SPAG16: variants seen among roughly 807,000 people sequenced by gnomAD.
SPAG16 encodes sperm-associated antigen 16 protein.
SPAG16 carries 86 observed loss-of-function variants against 80.4 expected under a neutral mutation model. The ratio of observed to expected loss-of-function variants is 1.07; its 90% CI spans 0.90 to 1.28. The LOEUF is 1.28. SPAG16 is among the 50% of genes most tolerant of loss of function. The probability of loss-of-function intolerance (pLI) is 0.00; values close to 1 mark genes in which losing one functional copy is unlikely to be tolerated. For missense variants in SPAG16, 870 were observed against 765.3 expected, an observed-to-expected ratio of 1.14 and a Z score of -1.61; for synonymous variants, 294 against 265.9, an observed-to-expected ratio of 1.11 and a Z score of -1.03.
Position 214,234,070 on chromosome 2 carries a change from TG to T in SPAG16, c.1720+84805del, listed in dbSNP as rs760056838. Reference sequence around the variant, plus strand: ...CCTTTCAATAGGCCCCAGTATGTGTTGTTTCCCCCCCCATGTGTCCATGTGT... The same window carrying T: ...CCTTTCAATAGGCCCCAGTATGTGTTTTTCCCCCCCCATGTGTCCATGTGT... On this transcript the variant is annotated intron_variant, in intron 15 of 15. Transcript: ENST00000331683. Among the ~76,000 whole-genome samples the T allele has an allele frequency of 2.8e-3, 342 of 121,760 alleles. 2 individuals carry two copies. Among genetic ancestry groups the T allele is most frequent in the African/African-American group, 6.8e-3 (277 of 40,690 alleles). 79.9% of individuals were successfully genotyped at this position (121,760 alleles called of 152,430 possible).
intron 13 of SPAG16, among the ~76,000 whole-genome samples, chr2:214,060,593 A>G (rs1694769457): frequency 6.6e-6 from 1 of 152,060 alleles, no homozygotes; most frequent in South Asian, 2.1e-4. Flanking sequence ...AAACTATAAC[A>G]CTCTCTTAGA....
chr2:213,830,119 T>G (rs571912500), intron 10 of SPAG16, among the ~76,000 whole-genome samples: 1 of 152,104 alleles, frequency 6.6e-6, no homozygotes, highest in Non-Finnish European at 1.5e-5. Flanking sequence ...GCCTTTCAAG[T>G]TTATTTGGAA....
intron 13 of SPAG16, among the ~76,000 whole-genome samples, chr2:214,059,240 ATG>A (rs1553706192): frequency 3.4e-4 from 35 of 102,042 alleles, no homozygotes; most frequent in East Asian, 1.2e-3. Flanking sequence ...ATATATATAT[ATG>A]TATGTATATA....
chr2:213,905,274 C>T (rs2077388301), intron 11 of SPAG16, among the ~76,000 whole-genome samples: 1 of 152,148 alleles, frequency 6.6e-6, no homozygotes, highest in Non-Finnish European at 1.5e-5. Flanking sequence ...TGGGGATATG[C>T]TATTTCTCAA....
At chr2:214,297,917 C>A (rs192196828) in intron 15 of SPAG16, among the ~76,000 whole-genome samples, 18 of 150,374 alleles carry the variant, frequency 1.2e-4, no homozygotes, top group African/African-American at 4.1e-4. Context: ...TGCATTGATA[C>A]TGTAGATTGC....
At chr2:213,957,676 A>C (rs2044219117) in intron 12 of SPAG16, among the ~76,000 whole-genome samples, 1 of 152,014 alleles carries the variant, frequency 6.6e-6, no homozygotes, top group Non-Finnish European at 1.5e-5. Flanking sequence ...CTTTATTTCC[A>C]GCATTACTGT....
At chr2:214,062,663 T>G (rs1254660858) in intron 13 of SPAG16, among the ~76,000 whole-genome samples, 2 of 124,818 alleles carry the variant, frequency 1.6e-5, no homozygotes, top group Non-Finnish European at 3.4e-5. Flanking sequence ...TGTAATAGCC[T>G]CCTCTTTTTT....
At chr2:214,176,347 G>C (rs548626246) in intron 15 of SPAG16, among the ~76,000 whole-genome samples, 1 of 150,824 alleles carries the variant, frequency 6.6e-6, no homozygotes, top group Non-Finnish European at 1.5e-5. Context: ...ATAAATGCCA[G>C]GTTTGAAAAC....
At chr2:213,928,679 A>G (rs2078604867) in intron 11 of SPAG16, among the ~76,000 whole-genome samples, 1 of 152,206 alleles carries the variant, frequency 6.6e-6, no homozygotes, top group Non-Finnish European at 1.5e-5. Flanking sequence ...ACTCTAAAGC[A>G]TTTACTAAGC....
At chr2:214,009,122 T>C (rs533251496) in intron 12 of SPAG16, among the ~76,000 whole-genome samples, 1 of 152,254 alleles carries the variant, frequency 6.6e-6, no homozygotes, top group South Asian at 2.1e-4. Context: ...CTGCTAGACC[T>C]TGTGGAATCT....
At chr2:213,655,671 A>C (rs758761283) in intron 10 of SPAG16, among the ~76,000 whole-genome samples, 5 of 152,188 alleles carry the variant, frequency 3.3e-5, no homozygotes, top group Non-Finnish European at 5.9e-5. Context: ...TTCAGTTTTG[A>C]GATGAGCCTT....
intron 12 of SPAG16, among the ~76,000 whole-genome samples, chr2:214,005,283 G>A (rs922232565): frequency 1.3e-5 from 2 of 152,116 alleles, no homozygotes; most frequent in African/African-American, 2.4e-5. Flanking sequence ...AGGACTTGAA[G>A]GCACTCTGAG....
At chr2:213,538,734 G>T (rs1207981138) in intron 10 of SPAG16, among the ~76,000 whole-genome samples, 1 of 152,038 alleles carries the variant, frequency 6.6e-6, no homozygotes, top group Non-Finnish European at 1.5e-5. Flanking sequence ...TTAAGGTTCA[G>T]TGCACAAAAA....
At chr2:214,120,175 T>G (rs762896022) in intron 14 of SPAG16, among the ~76,000 whole-genome samples, 6 of 151,872 alleles carry the variant, frequency 4.0e-5, no homozygotes, top group Non-Finnish European at 8.8e-5. Context: ...CTCTGTTGAA[T>G]CTTCTCATTC....
chr2:213,395,995 T>G (rs1032380591), intron 9 of SPAG16, among the ~76,000 whole-genome samples: 5 of 151,670 alleles, frequency 3.3e-5, no homozygotes, highest in African/African-American at 1.2e-4. Flanking sequence ...TTAACTAGTT[T>G]CCATGCATAC....
intron 10 of SPAG16, among the ~76,000 whole-genome samples, chr2:213,498,330 T>C (rs1455618890): frequency 6.6e-5 from 10 of 152,116 alleles, no homozygotes. Flanking sequence ...TTATTTTTTT[T>C]ATGATGAATG....
intron 10 of SPAG16, among the ~76,000 whole-genome samples, chr2:213,580,312 A>G (rs2060260484): frequency 6.6e-6 from 1 of 152,110 alleles, no homozygotes; most frequent in Admixed American, 6.6e-5. Flanking sequence ...AATAATATAC[A>G]GATTATTTTA....
At chr2:214,256,364 T>G (rs1324398513) in intron 15 of SPAG16, among the ~76,000 whole-genome samples, 1 of 151,942 alleles carries the variant, frequency 6.6e-6, no homozygotes, top group Non-Finnish European at 1.5e-5. Flanking sequence ...GCCAGATATA[T>G]GTTTTGCAAA....
intron 14 of SPAG16, among the ~76,000 whole-genome samples, chr2:214,120,353 G>A (rs2054156308): frequency 6.6e-6 from 1 of 151,698 alleles, no homozygotes; most frequent in Admixed American, 6.6e-5. Context: ...TTATAGAAAT[G>A]TAGTATTTTA....
Sources: allele counts gnomAD v4.1 joint callset (sites outside exome capture counted in the v4.1 genomes callset), GRCh38; gene constraint gnomAD v4.1.1; transcripts MANE v1.5; gene names NCBI Gene and HGNC (gene_info 2026-07-23, HGNC 2026-07-21).